Variants in CCNB1 observed in about 807,000 individuals in gnomAD.
CCNB1 encodes the protein G2/mitotic-specific cyclin-B1.
A neutral mutation model predicts 44.4 loss-of-function variants in CCNB1; 26 were observed. The ratio of observed to expected loss-of-function variants is 0.59; its 90% confidence interval spans 0.43 to 0.81. The LOEUF (loss-of-function observed/expected upper bound fraction) is 0.81. Among genes scored for constraint, CCNB1 ranks in the 40% least tolerant of loss-of-function variants. The probability of loss-of-function intolerance (pLI) is 0.00; values close to 1 mark genes in which losing one functional copy is unlikely to be tolerated. For missense variants in CCNB1, 477 were observed against 520.9 expected (o/e 0.92, Z 0.82); for synonymous variants, 195 against 181.4 (o/e 1.08, Z -0.60).
At chr5:69,172,523 C>G (rs788846) in intron 4 of CCNB1, among the ~76,000 whole-genome samples, 4 of 152,104 alleles carry the variant, frequency 2.6e-5, no homozygotes, top group Admixed American at 2.6e-4. Context: ...TCCCAAAGTG[C>G]TGGGATTACA....
rs1252183548 is a variant in CCNB1, at chr5:69,168,082, ACT to A, written c.192+9_192+10del. On this transcript the variant is annotated splice_donor_5th_base_variant and intron_variant, in intron 2 of 8. Transcript: ENST00000256442. The stretch of plus-strand genomic sequence containing the variant: ...GGCCAAAATGCCTATGAAGAAGGTA[ACT>A]CTCTTCCTGACCTAACTTCTGTAAG... 5 of 1,612,548 alleles carry A rather than the reference ACT, an allele frequency of 3.1e-6. No homozygotes were observed. The highest frequency in any genetic ancestry group is 4.5e-5 in the East Asian group (2 of 44,874).
At chr5:69,168,528 G>A (rs1747391276) in intron 3 of CCNB1, among the ~76,000 whole-genome samples, 185 bp downstream of exon 3, 2 of 122,494 alleles carry the variant, frequency 1.6e-5, no homozygotes, top group Non-Finnish European at 3.5e-5. Context: ...TACTCTCTGA[G>A]GTATTGTCAC....
intron 4 of CCNB1, 108 bp from the exon 5 acceptor site, chr5:69,174,143 T>A (rs1198201963): frequency 1.2e-6 from 1 of 857,130 alleles, no homozygotes; most frequent in East Asian, 2.4e-5. Flanking sequence ...AGAACTGATA[T>A]AGATTATAAA....
At chr5:69,176,539 TATA>T in intron 7 of CCNB1, among the ~76,000 whole-genome samples, 1 of 117,372 alleles carries the variant, frequency 8.5e-6, no homozygotes, top group African/African-American at 4.6e-5. Context: ...TATATATATA[TATA>T]TTTTTTTTTA....
chr5:69,169,676 A>C (rs1747415406), intron 3 of CCNB1, among the ~76,000 whole-genome samples: 1 of 151,670 alleles, frequency 6.6e-6, no homozygotes, highest in East Asian at 1.9e-4. Context: ...CCTTTGAGAC[A>C]GAGTCTCACT....
At chr5:69,170,436 T>C (rs547053555) in intron 3 of CCNB1, among the ~76,000 whole-genome samples, 1 of 152,344 alleles carries the variant, frequency 6.6e-6, no homozygotes, top group East Asian at 1.9e-4. Flanking sequence ...TGAAGTTAGT[T>C]AATCCTTAGT....
rs1242906041 is a variant in CCNB1 at position 69,177,936 on chromosome 5, A to T, written c.*305A>T. On this transcript the variant is annotated 3_prime_UTR_variant, in exon 9 of 9. Transcript: ENST00000256442. The stretch of plus-strand genomic sequence containing the variant: ...TTTACTTTATTAATATGAGTTACTG[A>T]AGGTGATGGAGGTATTTGAAAATTT... 9.2e-6 allele frequency: 2 copies of T among 217,522 alleles called. No homozygotes were observed. The highest frequency in any genetic ancestry group is 4.6e-5 in the African/African-American group (2 of 43,358). The allele number at this position is 217,522 out of a possible 1,614,324, so 13.5% of individuals were successfully genotyped here.
intron 4 of CCNB1, among the ~76,000 whole-genome samples, chr5:69,172,559 C>T (rs936220806): frequency 5.3e-5 from 8 of 151,832 alleles, no homozygotes; most frequent in Middle Eastern, 3.4e-3. Flanking sequence ...ACCCAGCCCC[C>T]AGTTGTTTCT....
At chr5:69,171,753 T>A (rs1446333966) in intron 4 of CCNB1, among the ~76,000 whole-genome samples, 1 of 152,182 alleles carries the variant, frequency 6.6e-6, no homozygotes, top group African/African-American at 2.4e-5. Context: ...TTGGAATGGT[T>A]AAGTCCCAAA....
chr5:69,168,298 A>C lies in CCNB1; in HGVS notation c.318A>C (p.Glu106Asp), dbSNP rs773265958. The change falls in exon 3 of 9, where the codon GAA becomes GAC. Residue 106 changes from glutamate to aspartate, a missense_variant. Physicochemically the swap from Glu to Asp is conservative, Grantham distance 45. Transcript: ENST00000256442. ...TGCCAGAGCCAGAACCTGAGCCAGA[A>C]CCTGAGCCTGTTAAAGAAGAAAAAC... Reference protein sequence around the residue: ...EPVPEPEPEPEPEPVKEEKLS... With the variant: ...EPVPEPEPEPDPEPVKEEKLS... The C allele has an allele frequency of 1.2e-6, 2 of 1,613,918 alleles. No individual in the cohort carries two copies. The highest frequency in any genetic ancestry group is 2.7e-5 in the African/African-American group (2 of 74,898).
intron 3 of CCNB1, among the ~76,000 whole-genome samples, chr5:69,169,992 C>T (rs1336596006): frequency 1.3e-5 from 2 of 149,200 alleles, no homozygotes; most frequent in African/African-American, 4.9e-5. Flanking sequence ...AAGACAGAGT[C>T]TTGCTCTGTC....
In CCNB1 at chr5:69,174,351, T is replaced by G; in HGVS notation, c.647T>G (p.Phe216Cys). The G allele has an allele frequency of 6.2e-7, 1 of 1,614,076 alleles. No individual in the cohort carries two copies. Among genetic ancestry groups the G allele is most frequent in the South Asian group, 1.1e-5 (1 of 91,076 alleles). Residue 216 changes from phenylalanine to cysteine, a missense_variant, in exon 5 of 9, where the codon TTC becomes TGC. Coordinates refer to ENST00000256442, the MANE Select transcript of CCNB1 (RefSeq NM_031966.4). ...IDWLVQVQMKFRLLQETMYMT... is the reference protein window; with the variant it reads ...IDWLVQVQMKCRLLQETMYMT... The stretch of plus-strand genomic sequence containing the variant: ...TGGCTAGTACAGGTTCAAATGAAAT[T>G]CAGGTTGTTGCAGGAGACCATGTAC...
At chr5:69,168,514 C>T (rs556930872) in intron 3 of CCNB1, among the ~76,000 whole-genome samples, 171 bp downstream of exon 3, 1 of 135,732 alleles carries the variant, frequency 7.4e-6, no homozygotes, top group Admixed American at 7.6e-5. Context: ...ATAATCTTTA[C>T]ACGTACTCTC....
In CCNB1 at chr5:69,177,601, A is replaced by G. The variant is rs751995109; in HGVS notation, c.1272A>G (p.Gln424=). ...TLPQLNSALV[Q]DLAKAVAKV is the part of the protein sequence containing the mutation. ...CACAGCTGAATTCTGCACTAGTTCA[A>G]GATTTAGCCAAGGCTGTGGCAAAGG... Residue 424 remains glutamine (Q), a synonymous_variant, in exon 9 of 9, where the codon CAA becomes CAG. Transcript: ENST00000256442. 6.2e-7 allele frequency: 1 copy of G among 1,613,016 alleles called. No individual in the cohort carries two copies. The highest frequency in any genetic ancestry group is 1.1e-5 in the South Asian group (1 of 91,008).
At chr5:69,169,357 A>T (rs1747409803) in intron 3 of CCNB1, among the ~76,000 whole-genome samples, 3 of 152,054 alleles carry the variant, frequency 2.0e-5, no homozygotes, top group African/African-American at 7.2e-5. Context: ...GCGCCCAGCC[A>T]GTTCAGCTTC....
At position 69,168,292 on chromosome 5, in the gene CCNB1, G is replaced by C. The variant is rs748534626; in HGVS notation, c.312G>C (p.Glu104Asp). ...VSEPVPEPEPEPEPEPVKEEK... is the reference protein window; with the variant it reads ...VSEPVPEPEPDPEPEPVKEEK... ...AGCCAGTGCCAGAGCCAGAACCTGAGCCAGAACCTGAGCCTGTTAAAGAAG... is the reference window on the plus strand; with the variant it reads ...AGCCAGTGCCAGAGCCAGAACCTGACCCAGAACCTGAGCCTGTTAAAGAAG... The change falls in exon 3 of 9, where the codon GAG (glutamate) becomes GAC (aspartate). Residue 104 changes from glutamate (E) to aspartate (D), a missense_variant. Physicochemically the swap from Glu to Asp is conservative, Grantham distance 45. Transcript: ENST00000256442. 1.2e-6 allele frequency: 2 copies of C among 1,614,198 alleles called. No homozygotes were observed. Among genetic ancestry groups the C allele is most frequent in the Non-Finnish European group, 1.7e-6 (2 of 1,180,032 alleles).
intron 1 of CCNB1, chr5:69,167,607 C>G (rs992310394): frequency 2.6e-5 from 13 of 502,994 alleles, no homozygotes; most frequent in Non-Finnish European, 4.5e-5. Context: ...TCTGTAACCC[C>G]CTTCCCAGAG....
rs942292632 is a variant in CCNB1, at chr5:69,177,253, A to G, written c.1098A>G (p.Gln366=). 2.5e-6 allele frequency: 4 copies of G among 1,601,734 alleles called. No individual in the cohort carries two copies. The highest frequency in any genetic ancestry group is 3.4e-6 in the Non-Finnish European group (4 of 1,169,806). ...TGTTGCCTTAGACACCAACTCTACA[A>G]CATTACCTGTCATATACTGAAGAAT... ...LDNGEWTPTL[Q]HYLSYTEESL... is the part of the protein sequence containing the mutation. Residue 366 remains glutamine (Q), a synonymous_variant, in exon 8 of 9, where the codon CAA becomes CAG. Transcript: ENST00000256442.
chr5:69,177,277 A>C lies in CCNB1; in HGVS notation c.1122A>C (p.Glu374Asp), dbSNP rs1037886104. 1 of 1,613,096 alleles carries C rather than the reference A, an allele frequency of 6.2e-7. No homozygotes were observed. Among genetic ancestry groups the C allele is most frequent in the Non-Finnish European group, 8.5e-7 (1 of 1,179,086 alleles). ...AACATTACCTGTCATATACTGAAGA[A>C]TCTCTTCTTCCAGTTATGCAGCACC... ...TLQHYLSYTE[E>D]SLLPVMQHLA... The change falls in exon 8 of 9, where the codon GAA (glutamate) becomes GAC (aspartate). Residue 374 changes from glutamate (E) to aspartate (D), a missense_variant. Transcript: ENST00000256442.
Sources: allele counts gnomAD v4.1 joint callset (sites outside exome capture counted in the v4.1 genomes callset), GRCh38; gene constraint gnomAD v4.1.1; transcripts MANE v1.5; gene names NCBI Gene and HGNC (gene_info 2026-07-23, HGNC 2026-07-21).